WARS2: variants seen among roughly 807,000 people sequenced by gnomAD.
WARS2 encodes the protein tryptophan--tRNA ligase, mitochondrial.
Under a neutral mutation model 36.5 loss-of-function variants are expected in WARS2, and 28 were observed. The observed-to-expected ratio is 0.77, with a 90% CI of 0.57 to 1.05. The LOEUF is 1.05. Ranked by LOEUF, WARS2 falls within the 50% of genes least tolerant of loss-of-function variation. The pLI is 0.00. For synonymous variants in WARS2, 174 were observed against 178.4 expected, an observed-to-expected ratio of 0.98 and a Z score of 0.20; for missense variants, 435 against 456.8, an observed-to-expected ratio of 0.95 and a Z score of 0.44.
chr1:119,100,329 T>C (rs1000854114), intron 1 of WARS2, among the ~76,000 whole-genome samples: 2 of 152,210 alleles, frequency 1.3e-5, no homozygotes, highest in African/African-American at 4.8e-5. Context: ...AGAACTCTTA[T>C]ACCCTGCTGG....
intron 1 of WARS2, chr1:119,126,857 T>A: frequency 2.5e-6 from 2 of 795,018 alleles, no homozygotes; most frequent in South Asian, 1.3e-5. Context: ...GGAGGACCTG[T>A]TGGTGCTGAG....
chr1:119,130,299 A>G (rs1422889675), intron 1 of WARS2, among the ~76,000 whole-genome samples: 1 of 152,190 alleles, frequency 6.6e-6, no homozygotes. Context: ...TTGAGACAAA[A>G]CCATACTCAA....
At chr1:119,133,812 A>G (rs912437549) in intron 1 of WARS2, among the ~76,000 whole-genome samples, 3 of 152,152 alleles carry the variant, frequency 2.0e-5, no homozygotes, top group Non-Finnish European at 4.4e-5. Flanking sequence ...ACTGATATTT[A>G]CTTTATATTC....
chr1:119,060,934 G>A (rs556043510), intron 2 of WARS2, among the ~76,000 whole-genome samples: 1 of 152,122 alleles, frequency 6.6e-6, no homozygotes, highest in Middle Eastern at 3.4e-3. Context: ...CAAGTATCTG[G>A]CCAACCCCTG....
At chr1:119,082,626 C>T in intron 1 of WARS2, 1 of 187,486 alleles carries the variant, frequency 5.3e-6, no homozygotes, top group Non-Finnish European at 1.0e-5. Flanking sequence ...TTCTTGGCTT[C>T]AAGCATCCCA....
chr1:119,083,723 A>G lies in WARS2; in HGVS notation c.91-7116T>C, dbSNP rs377167498. On this transcript the variant is annotated intron_variant, in intron 1 of 5. Coordinates refer to ENST00000235521, the MANE Select transcript of WARS2 (RefSeq NM_015836.4). ...TAAATGCAAAGGTTATACGTAAGTA[A>G]AGAATAAGGAGGCAAGTCTTTTTTT... Among the ~76,000 whole-genome samples the G allele has an allele frequency of 3.3e-5, 5 of 152,314 alleles. No individual in the cohort carries two copies. In the East Asian group the frequency reaches 9.6e-4, roughly 29 times the overall value.
rs113752727 is a variant in WARS2 at position 119,088,435 on chromosome 1, AACACACACAC to A, written c.91-11838_91-11829del. ...CTGCCAACCTGCTAGGAAACACTGA[AACACACACAC>A]ACACACACACACACACACACACAAA... On this transcript the variant is annotated intron_variant, in intron 1 of 5. Transcript: ENST00000235521. Among the ~76,000 whole-genome samples, 1,031 of 149,164 alleles carry A rather than the reference AACACACACAC, an allele frequency of 6.9e-3. 5 individuals carry two copies. The highest frequency in any genetic ancestry group is 0.021 in the Middle Eastern group (6 of 290).
At chr1:119,125,710 G>A (rs2101550324) in intron 1 of WARS2, among the ~76,000 whole-genome samples, 1 of 152,162 alleles carries the variant, frequency 6.6e-6, no homozygotes, top group Non-Finnish European at 1.5e-5. Context: ...CACTTATTCA[G>A]GCCTCTGTTA....
chr1:119,043,588 T>A (rs1189896866), intron 3 of WARS2, among the ~76,000 whole-genome samples: 1 of 152,222 alleles, frequency 6.6e-6, no homozygotes, highest in Admixed American at 6.5e-5. Flanking sequence ...TGTTTGAACA[T>A]ACAATTTCTT....
chr1:119,110,797 G>A (rs1237962220), intron 1 of WARS2, among the ~76,000 whole-genome samples: 1 of 151,698 alleles, frequency 6.6e-6, no homozygotes, highest in East Asian at 1.9e-4. Context: ...AACTTTTATA[G>A]TTGTCCTATA....
intron 1 of WARS2, among the ~76,000 whole-genome samples, chr1:119,089,454 G>A (rs12060697): frequency 6.6e-6 from 1 of 152,170 alleles, no homozygotes; most frequent in Non-Finnish European, 1.5e-5. Context: ...CTGAGAAGCA[G>A]AATCTAGTGC....
At chr1:119,133,919 T>C (rs1030636232) in intron 1 of WARS2, among the ~76,000 whole-genome samples, 2 of 152,130 alleles carry the variant, frequency 1.3e-5, no homozygotes, top group East Asian at 1.9e-4. Context: ...GAACTTTGTA[T>C]ATTGTATTCA....
At chr1:119,043,072 G>A (rs1177921466) in intron 3 of WARS2, among the ~76,000 whole-genome samples, 1 of 152,174 alleles carries the variant, frequency 6.6e-6, no homozygotes, top group Non-Finnish European at 1.5e-5. Flanking sequence ...AATAGATGCT[G>A]ATTATAAACT....
intron 1 of WARS2, among the ~76,000 whole-genome samples, chr1:119,101,797 A>T (rs954199659): frequency 2.0e-5 from 3 of 152,158 alleles, no homozygotes; most frequent in African/African-American, 7.2e-5. Flanking sequence ...CTTAAGGGCC[A>T]CTGAAACCAC....
At chr1:119,069,964 C>T (rs1240565669) in intron 2 of WARS2, among the ~76,000 whole-genome samples, 1 of 152,092 alleles carries the variant, frequency 6.6e-6, no homozygotes, top group East Asian at 1.9e-4. Context: ...ACAAGGTTCC[C>T]GCCTCATGAG....
At chr1:119,118,344 G>C (rs1055865049) in intron 1 of WARS2, among the ~76,000 whole-genome samples, 1 of 151,766 alleles carries the variant, frequency 6.6e-6, no homozygotes, top group Admixed American at 6.6e-5. Flanking sequence ...AGAGCTCAAA[G>C]ACAAAACTTT....
intron 2 of WARS2, among the ~76,000 whole-genome samples, chr1:119,056,585 A>G (rs1444498059): frequency 6.7e-6 from 1 of 149,396 alleles, no homozygotes; most frequent in African/African-American, 2.4e-5. Context: ...AATCAAGCCC[A>G]GTGAGGCATA....
intron 2 of WARS2, among the ~76,000 whole-genome samples, chr1:119,051,755 C>T (rs1336004283): frequency 7.0e-6 from 1 of 143,376 alleles, no homozygotes; most frequent in African/African-American, 2.7e-5. Flanking sequence ...GTTGGTATCT[C>T]GCTGTAATTT....
chr1:119,033,135 C>T lies in WARS2; in HGVS notation c.859G>A (p.Val287Met), dbSNP rs192289549. The T allele has an allele frequency of 1.4e-4, 225 of 1,614,180 alleles. 1 individual carries two copies. In the East Asian group the frequency reaches 3.7e-3, roughly 27 times the overall value. The change falls in exon 6 of 6, where the codon GTG (valine) becomes ATG (methionine). Residue 287 changes from valine (V) to methionine (M), a missense_variant. Physicochemically the swap from Val to Met is conservative, Grantham distance 21. Coordinates refer to ENST00000235521, the MANE Select transcript of WARS2 (RefSeq NM_015836.4). ...GCGCTGCGGCGCACCACTTCCTCCA[C>T]GGAGAGCCCCGTCACCGCGGCATGC... ...AVHAAVTGLS[V>M]EEVVRRSAGM... is the part of the protein sequence containing the mutation.
Sources: gnomAD v4.1 joint callset for allele counts (sites outside exome capture counted in the v4.1 genomes callset) on GRCh38, gnomAD v4.1.1 for gene constraint, MANE v1.5 for transcripts, NCBI Gene and HGNC (gene_info 2026-07-23, HGNC 2026-07-21) for gene names.